The following RAD51B variants were observed in gnomAD, a reference collection of about 807,000 sequenced individuals.
RAD51B encodes the protein DNA repair protein RAD51 homolog 2.
RAD51B carries 38 observed loss-of-function variants against 42.2 expected under a neutral mutation model. The ratio of observed to expected loss-of-function variants is 0.90; its 90% CI spans 0.70 to 1.18. RAD51B has a LOEUF of 1.18. Ranked by LOEUF, RAD51B falls within the 50% of genes most tolerant of loss-of-function variation. RAD51B has a pLI of 0.00. For missense variants in RAD51B, 373 were observed against 400.7 expected, an observed-to-expected ratio of 0.93 and a Z score of 0.59; for synonymous variants, 154 against 145.2, an observed-to-expected ratio of 1.06 and a Z score of -0.43.
rs1305119468 is a variant in RAD51B at position 68,609,964 on chromosome 14, GC to G, written c.1037-1040del. 2.6e-5 allele frequency among the ~76,000 whole-genome samples: 4 copies of G among 151,880 alleles called. No homozygotes were observed. In the East Asian group the frequency reaches 7.8e-4, roughly 30 times the overall value. ...TTTTACCTGCTCCTCTGCTGGCCGG[GC>G]CTCCTCTCCCAGCACATCGCTTCTG... On this transcript the variant is annotated intron_variant, in intron 10 of 10. Transcript: ENST00000487861.
At chr14:68,351,839 G>C (rs182198265) in intron 8 of RAD51B, among the ~76,000 whole-genome samples, 30 of 152,322 alleles carry the variant, frequency 2.0e-4, no homozygotes, top group African/African-American at 4.8e-4. Flanking sequence ...AATGAGATTT[G>C]CTAGTTGGAA....
At chr14:67,855,244 T>C (rs1278616832) in intron 4 of RAD51B, among the ~76,000 whole-genome samples, 2 of 151,616 alleles carry the variant, frequency 1.3e-5, no homozygotes, top group Admixed American at 1.3e-4. Flanking sequence ...AGTTCTTTTT[T>C]TTTTGAGACA....
chr14:68,185,019 C>T (rs1958111), intron 7 of RAD51B, among the ~76,000 whole-genome samples: 124,983 of 152,130 alleles, frequency 0.82, 51,573 homozygotes, highest in East Asian at 0.98. Flanking sequence ...TTGTATCTAG[C>T]AGTGGGACTA....
intron 7 of RAD51B, among the ~76,000 whole-genome samples, chr14:68,217,272 T>G (rs931334394): frequency 6.6e-6 from 1 of 152,182 alleles, no homozygotes; most frequent in Non-Finnish European, 1.5e-5. Context: ...TCATCTCCTC[T>G]TTTCTAAATC....
intron 7 of RAD51B, among the ~76,000 whole-genome samples, chr14:68,286,989 AGTGTGTGTGTT>A (rs760273604): frequency 2.0e-5 from 3 of 152,118 alleles, no homozygotes; most frequent in African/African-American, 4.8e-5. Flanking sequence ...TATTTTCATT[AGTGTGTGTGTT>A]GTGTGTGTGT....
intron 4 of RAD51B, among the ~76,000 whole-genome samples, chr14:67,852,164 C>A (rs961018110): frequency 1.3e-5 from 2 of 152,172 alleles, no homozygotes; most frequent in Non-Finnish European, 2.9e-5. Context: ...GAGCCGTGAC[C>A]GACTGACCAG....
At chr14:68,183,797 A>T (rs921739230) in intron 7 of RAD51B, among the ~76,000 whole-genome samples, 2 of 152,050 alleles carry the variant, frequency 1.3e-5, no homozygotes, top group South Asian at 2.1e-4. Context: ...AAAATTTTTT[A>T]AATTACCTGG....
chr14:68,356,366 C>G (rs921976301), intron 8 of RAD51B, among the ~76,000 whole-genome samples: 1 of 140,236 alleles, frequency 7.1e-6, no homozygotes, highest in African/African-American at 2.7e-5. Flanking sequence ...ACCCAGGAGG[C>G]GGAGCTTGCA....
chr14:67,881,152 T>C (rs1343035787), intron 5 of RAD51B, among the ~76,000 whole-genome samples: 1 of 152,224 alleles, frequency 6.6e-6, no homozygotes, highest in Non-Finnish European at 1.5e-5. Context: ...AAAAATATAC[T>C]ATATAAGCTT....
At chr14:68,055,628 C>T (rs1419452079) in intron 7 of RAD51B, among the ~76,000 whole-genome samples, 1 of 152,110 alleles carries the variant, frequency 6.6e-6, no homozygotes, top group African/African-American at 2.4e-5. Context: ...TTAAAAACAA[C>T]ATTAATATGT....
intron 9 of RAD51B, among the ~76,000 whole-genome samples, chr14:68,435,502 T>C (rs984102970): frequency 6.6e-6 from 1 of 151,774 alleles, no homozygotes; most frequent in African/African-American, 2.4e-5. Context: ...GTTTTTTTTT[T>C]TTTTTTTTGG....
At chr14:68,174,126 A>G (rs1010619515) in intron 7 of RAD51B, among the ~76,000 whole-genome samples, 20 of 151,992 alleles carry the variant, frequency 1.3e-4, no homozygotes, top group African/African-American at 4.8e-4. Context: ...CTTACTCTCC[A>G]TGTAGTAGTT....
chr14:68,439,796 A>T (rs986909645), intron 9 of RAD51B, among the ~76,000 whole-genome samples: 2 of 152,192 alleles, frequency 1.3e-5, no homozygotes, highest in Non-Finnish European at 2.9e-5. Context: ...ATAATGTCTC[A>T]TGGGGGTTGG....
chr14:68,357,587 ATTTCTTAAATAATAAGTC>A (rs1389261419), intron 8 of RAD51B, among the ~76,000 whole-genome samples: 1 of 152,106 alleles, frequency 6.6e-6, no homozygotes, highest in Non-Finnish European at 1.5e-5. Context: ...TACAAATTGT[ATTTCTTAAATAATAAGTC>A]TTAAAAGTCA....
chr14:68,011,047 T>A (rs1431768922), intron 7 of RAD51B, among the ~76,000 whole-genome samples: 1 of 151,942 alleles, frequency 6.6e-6, no homozygotes, highest in Non-Finnish European at 1.5e-5. Context: ...TATTTTGAAA[T>A]AATACTTCTA....
chr14:68,352,331 G>A (rs1007177390), intron 8 of RAD51B, among the ~76,000 whole-genome samples: 3 of 152,196 alleles, frequency 2.0e-5, no homozygotes, highest in Non-Finnish European at 4.4e-5. Context: ...CCTCTGGCCA[G>A]GTCTGATGCC....
At chr14:68,144,664 A>G (rs905112266) in intron 7 of RAD51B, among the ~76,000 whole-genome samples, 7 of 152,204 alleles carry the variant, frequency 4.6e-5, no homozygotes, top group African/African-American at 1.4e-4. Flanking sequence ...TTCTGTTTAT[A>G]TAAAAGGAAC....
At chr14:68,281,436 G>A (rs1284725402) in intron 7 of RAD51B, among the ~76,000 whole-genome samples, 3 of 152,204 alleles carry the variant, frequency 2.0e-5, no homozygotes, top group South Asian at 2.1e-4. Flanking sequence ...TACAGTTGAA[G>A]AAAGTGAGGC....
chr14:68,592,831 G>T (rs1006383094), intron 10 of RAD51B, among the ~76,000 whole-genome samples: 2 of 152,244 alleles, frequency 1.3e-5, no homozygotes, highest in Non-Finnish European at 2.9e-5. Flanking sequence ...GCTCCTATGT[G>T]TGTGCAGGGC....
Sources: allele counts gnomAD v4.1 joint callset (sites outside exome capture counted in the v4.1 genomes callset), GRCh38; gene constraint gnomAD v4.1.1; transcripts MANE v1.5; gene names NCBI Gene and HGNC (gene_info 2026-07-23, HGNC 2026-07-21).